The following PUM1 variants were observed in gnomAD, a reference collection of about 807,000 sequenced individuals.
PUM1 encodes pumilio homolog 1.
Under a neutral mutation model 131.8 loss-of-function variants are expected in PUM1, and 13 were observed. The observed-to-expected ratio is 0.10, with a 90% confidence interval of 0.06 to 0.16. The LOEUF is 0.16. Ranked by LOEUF, PUM1 falls within the 10% of genes least tolerant of loss-of-function variation. The pLI, the probability that PUM1 is intolerant of heterozygous loss-of-function variation, is 1.00. For synonymous variants in PUM1, 509 were observed against 556.5 expected (o/e 0.91, Z 1.20); for missense variants, 961 against 1,512.4 (o/e 0.64, Z 6.05).
At chr1:30,968,000 C>T (rs1640694685) in intron 11 of PUM1, among the ~76,000 whole-genome samples, 3 of 152,186 alleles carry the variant, frequency 2.0e-5, no homozygotes, top group Admixed American at 2.0e-4. Flanking sequence ...AAATTTCTCA[C>T]TAATCATGCT....
intron 14 of PUM1, among the ~76,000 whole-genome samples, chr1:30,958,572 C>A (rs74065549): frequency 6.6e-6 from 1 of 151,966 alleles, no homozygotes; most frequent in Admixed American, 6.6e-5. Context: ...TGAGAAAGGG[C>A]GGGGGAGTAG....
intron 2 of PUM1, among the ~76,000 whole-genome samples, chr1:31,052,293 T>C (rs764791772): frequency 1.4e-4 from 21 of 152,332 alleles, no homozygotes; most frequent in Admixed American, 7.2e-4. Flanking sequence ...ATTACAGACA[T>C]GAGCCACCGT....
At chr1:31,038,971 T>C (rs1177562610) in intron 2 of PUM1, among the ~76,000 whole-genome samples, 1 of 33,352 alleles carries the variant, frequency 3.0e-5, no homozygotes, top group East Asian at 6.9e-4. Context: ...TATATATATA[T>C]ATATATATAT....
chr1:31,018,806 C>T (rs1221550471), intron 3 of PUM1, among the ~76,000 whole-genome samples: 1 of 152,222 alleles, frequency 6.6e-6, no homozygotes, highest in Non-Finnish European at 1.5e-5. Flanking sequence ...TCTGCAGAGA[C>T]AGCTGAGTGC....
intron 21 of PUM1, among the ~76,000 whole-genome samples, chr1:30,934,895 C>T (rs572117366): frequency 1.4e-4 from 22 of 152,268 alleles, no homozygotes; most frequent in African/African-American, 4.1e-4. Context: ...AGAAGTGAAA[C>T]GTTAATTACC....
At chr1:31,019,209 AG>A (rs1642931384) in intron 3 of PUM1, among the ~76,000 whole-genome samples, 1 of 152,098 alleles carries the variant, frequency 6.6e-6, no homozygotes, top group African/African-American at 2.4e-5. Flanking sequence ...AAAATTAGCC[AG>A]GTGTGGTGGC....
intron 2 of PUM1, among the ~76,000 whole-genome samples, chr1:31,049,774 T>TATAA (rs1303306117): frequency 6.6e-6 from 1 of 150,716 alleles, no homozygotes; most frequent in Admixed American, 6.6e-5. Context: ...CAGAGGCATA[T>TATAA]ATAATCAAGT....
intron 5 of PUM1, among the ~76,000 whole-genome samples, chr1:31,004,517 A>G (rs1403655381): frequency 6.6e-6 from 1 of 152,116 alleles, no homozygotes; most frequent in Non-Finnish European, 1.5e-5. Flanking sequence ...CTCACATCCA[A>G]AGGGTAGATC....
Position 31,063,397 on chromosome 1 carries a change from C to G in PUM1, c.-12+2219G>C, listed in dbSNP as rs1012696368. The stretch of plus-strand genomic sequence containing the variant: ...TAGTTACCCCTAGTTAAGGCAACTC[C>G]AGTCCCTAACAGAATTCCTAAAACA... On this transcript the variant is annotated intron_variant, in intron 1 of 21. Transcript: ENST00000426105. Among the ~76,000 whole-genome samples, 37 of 152,096 alleles carry G rather than the reference C, an allele frequency of 2.4e-4. 1 individual carries two copies. Among genetic ancestry groups the G allele is most frequent in the African/African-American group, 8.2e-4 (34 of 41,422 alleles).
At chr1:30,979,910 GGA>G in intron 9 of PUM1, 150 bp downstream of exon 9, 1 of 586,242 alleles carries the variant, frequency 1.7e-6, no homozygotes, top group Non-Finnish European at 3.0e-6. Flanking sequence ...ATACAGCTAC[GGA>G]GAGATATTAA....
intron 2 of PUM1, among the ~76,000 whole-genome samples, chr1:31,036,312 G>A (rs983913062): frequency 6.6e-6 from 1 of 151,996 alleles, no homozygotes; most frequent in Non-Finnish European, 1.5e-5. Context: ...CTCATGATCC[G>A]CCTGCCTCGG....
Position 30,966,207 on chromosome 1 carries a change from G to T in PUM1, c.1861C>A (p.Arg621Ser), listed in dbSNP as rs1437538872. ...TGAGGCTGCTGTGTTCCTAAAGGGC[G>T]AAATGGTCCATTTGTTGTTCCAGCA... is the stretch of plus-strand genomic sequence containing the variant. ...GLAGTTNGPF[R>S]PLGTQQPQPQ... Residue 621 changes from arginine to serine, a missense_variant, in exon 13 of 22, where the codon CGC becomes AGC. Arg to Ser is a moderately radical substitution (Grantham distance 110). Coordinates refer to ENST00000426105, the MANE Select transcript of PUM1 (RefSeq NM_001020658.2). 6.2e-7 allele frequency: 1 copy of T among 1,613,996 alleles called. No homozygotes were observed. The highest frequency in any genetic ancestry group is 1.7e-5 in the Admixed American group (1 of 60,012).
At chr1:31,012,819 C>T (rs1259184533) in intron 3 of PUM1, among the ~76,000 whole-genome samples, 2 of 152,050 alleles carry the variant, frequency 1.3e-5, no homozygotes, top group South Asian at 4.2e-4. Context: ...TGGAGAATAT[C>T]AAGAAACTCT....
intron 2 of PUM1, among the ~76,000 whole-genome samples, chr1:31,032,708 A>G (rs578198719): frequency 2.4e-3 from 359 of 152,308 alleles, no homozygotes; most frequent in Admixed American, 3.9e-3. Flanking sequence ...TCATGAGGCT[A>G]AAGCAGGAGG....
At chr1:31,023,368 C>A (rs112380684) in intron 3 of PUM1, among the ~76,000 whole-genome samples, 6 of 152,068 alleles carry the variant, frequency 3.9e-5, no homozygotes, top group Non-Finnish European at 2.9e-5. Flanking sequence ...TTTTATGGCA[C>A]CCTAATTGCA....
At chr1:30,979,029 A>G (rs1244310811) in intron 9 of PUM1, among the ~76,000 whole-genome samples, 1 of 151,916 alleles carries the variant, frequency 6.6e-6, no homozygotes, top group African/African-American at 2.4e-5. Flanking sequence ...CAGTGGGCCC[A>G]GGAATTCAAG....
chr1:31,064,601 T>C (rs555126214), intron 1 of PUM1, among the ~76,000 whole-genome samples: 1 of 152,160 alleles, frequency 6.6e-6, no homozygotes, highest in East Asian at 1.9e-4. Context: ...TAAAATCTTA[T>C]TCTTAATTAA....
intron 9 of PUM1, among the ~76,000 whole-genome samples, chr1:30,975,564 A>G (rs1570178071): frequency 8.7e-6 from 1 of 114,808 alleles, no homozygotes; most frequent in Non-Finnish European, 1.7e-5. Context: ...GTGTTGCCCC[A>G]GGCTGGTGTC....
At chr1:31,009,782 A>AAAAAAAAAAAAAAAACAAAAAC (rs375044466) in intron 3 of PUM1, among the ~76,000 whole-genome samples, 6 of 125,364 alleles carry the variant, frequency 4.8e-5, no homozygotes, top group Non-Finnish European at 9.5e-5. Context: ...AAAAAAAAAA[A>AAAAAAAAAAAAAAAACAAAAAC]AAAAACAAAA....
Sources: gnomAD v4.1 joint callset for allele counts (sites outside exome capture counted in the v4.1 genomes callset) on GRCh38, gnomAD v4.1.1 for gene constraint, MANE v1.5 for transcripts, NCBI Gene and HGNC (gene_info 2026-07-23, HGNC 2026-07-21) for gene names.